NFATC2: variants seen among roughly 807,000 people sequenced by gnomAD.
NFATC2 encodes nuclear factor of activated T cells 2.
In NFATC2, 22 loss-of-function variants were observed where a neutral mutation model predicts 87.3. The ratio of observed to expected loss-of-function variants is 0.25; its 90% CI spans 0.18 to 0.36. NFATC2 has a LOEUF of 0.36. NFATC2 is among the 10% of genes least tolerant of loss of function. NFATC2 has a pLI of 1.00. For synonymous variants in NFATC2, 565 were observed against 542.2 expected (o/e 1.04, Z -0.58); for missense variants, 1,149 against 1,259.1 (o/e 0.91, Z 1.32).
chr20:51,516,754 A>C, intron 3 of NFATC2, 30 bp downstream of exon 3: 1 of 1,565,430 alleles, frequency 6.4e-7, no homozygotes, highest in Non-Finnish European at 8.7e-7. Flanking sequence ...CAAACACCAC[A>C]CACAAAAGGA....
intron 1 of NFATC2, among the ~76,000 whole-genome samples, chr20:51,525,299 C>T (rs1275635337): frequency 6.6e-6 from 1 of 152,174 alleles, no homozygotes; most frequent in Non-Finnish European, 1.5e-5. Context: ...TAGCGGCTGC[C>T]TAGCCCGGGC....
At chr20:51,392,464 A>G (rs1382901913) in intron 10 of NFATC2, among the ~76,000 whole-genome samples, 5 of 152,156 alleles carry the variant, frequency 3.3e-5, no homozygotes, top group Non-Finnish European at 5.9e-5. Flanking sequence ...AGATCTTAGG[A>G]TAGTGGATCC....
Position 51,432,013 on chromosome 20 carries a change from G to A in NFATC2, c.2722+54C>T. On this transcript the variant is annotated intron_variant, in intron 9 of 10. Coordinates refer to ENST00000371564, the MANE Select transcript of NFATC2 (RefSeq NM_012340.5). This position sits in a 1 kb window ranked among gnomAD's most constrained non-coding sequence, Gnocchi z 4.6. ...GGCCATGCAGTGAACTTCCTGGGCA[G>A]AGATGCTTCAGGGCACCATCCTTAC... The A allele has an allele frequency of 7.4e-6, 11 of 1,488,314 alleles. No individual in the cohort carries two copies. The South Asian group carries it at 1.3e-4, about 17-fold the overall frequency. 92.2% of individuals were successfully genotyped at this position (1,488,314 alleles called of 1,614,324 possible).
Position 51,388,906 on chromosome 20 carries a change from C to T in NFATC2, c.*2590G>A, listed in dbSNP as rs1376980239. ...TCATTCTCTTAGAGGATCTTATTGCCTCTTCCCGTACTGGAAATATTTCAT... is the reference window on the plus strand; with the variant it reads ...TCATTCTCTTAGAGGATCTTATTGCTTCTTCCCGTACTGGAAATATTTCAT... On this transcript the variant is annotated 3_prime_UTR_variant, in exon 11 of 11. Transcript: ENST00000371564. 3.9e-5 allele frequency: 6 copies of T among 152,180 alleles called. No homozygotes were observed. Among genetic ancestry groups the T allele is most frequent in the Non-Finnish European group, 5.9e-5 (4 of 68,036 alleles). The allele number at this position is 152,180 out of a possible 1,614,324, so 9.4% of individuals were successfully genotyped here. A position where few individuals can be genotyped will look rare whatever the true frequency, so the allele number is the denominator to read the frequency against.
chr20:51,434,348 T>C (rs1983242247), intron 8 of NFATC2, among the ~76,000 whole-genome samples: 1 of 152,202 alleles, frequency 6.6e-6, no homozygotes, highest in Admixed American at 6.5e-5. Context: ...CCCTGGGTGA[T>C]TGTCTCGAAT....
At chr20:51,550,308 C>T (rs1463338685) in intron 1 of NFATC2, among the ~76,000 whole-genome samples, 1 of 152,046 alleles carries the variant, frequency 6.6e-6, no homozygotes, top group Non-Finnish European at 1.5e-5. Flanking sequence ...AATAATAGGC[C>T]AAGCACGGTG....
chr20:51,425,299 G>C (rs911944231), intron 9 of NFATC2, among the ~76,000 whole-genome samples: 4 of 152,218 alleles, frequency 2.6e-5, no homozygotes, highest in Non-Finnish European at 5.9e-5. Context: ...CTCCCAACGG[G>C]GGCCTGGCCT....
At position 51,523,995 on chromosome 20, in the gene NFATC2, G is replaced by A. The variant is rs777716877; in HGVS notation, c.246C>T (p.Pro82=). ...TATCCGGCTCTCCGAATCGGCCGGG[G>A]GGCTCGCCAGAGAGACTAGCAAGGG... ...YSPLASLSGE[P]PGRFGEPDRV... is the part of the protein sequence containing the mutation. The change falls in exon 2 of 11, where the codon CCC becomes CCT. Residue 82 remains proline (P), a synonymous_variant. Coordinates refer to ENST00000371564, the MANE Select transcript of NFATC2 (RefSeq NM_012340.5). This position sits in a 1 kb window ranked among gnomAD's most constrained non-coding sequence, Gnocchi z 6.9. 13 of 1,569,382 alleles carry A rather than the reference G, an allele frequency of 8.3e-6. No homozygotes were observed. In the Middle Eastern group the frequency reaches 6.8e-4, roughly 82 times the overall value.
At chr20:51,549,225 G>A (rs939557172) in intron 1 of NFATC2, among the ~76,000 whole-genome samples, 2 of 152,112 alleles carry the variant, frequency 1.3e-5, no homozygotes, top group African/African-American at 4.8e-5. Context: ...TTCTGTTATA[G>A]AAAATATGTA....
At chr20:51,438,558 C>A (rs866094393) in intron 6 of NFATC2, among the ~76,000 whole-genome samples, 103 of 152,136 alleles carry the variant, frequency 6.8e-4, no homozygotes, top group African/African-American at 1.1e-3. Flanking sequence ...GCTTCCATTC[C>A]CAGCTGTCTT....
chr20:51,445,200 C>T (rs553993657), intron 6 of NFATC2, among the ~76,000 whole-genome samples: 1 of 152,188 alleles, frequency 6.6e-6, no homozygotes, highest in African/African-American at 2.4e-5. Context: ...GGGCCTGCCC[C>T]CCGCAGCACC....
At chr20:51,410,797 C>A (rs1287973865) in intron 9 of NFATC2, among the ~76,000 whole-genome samples, 1 of 152,104 alleles carries the variant, frequency 6.6e-6, no homozygotes, top group Non-Finnish European at 1.5e-5. Context: ...CCTTGATGAC[C>A]CTGTCTAAAG....
In NFATC2 at chr20:51,523,353, AG is replaced by A; in HGVS notation, c.887del (p.Pro296LeufsTer7). 1 of 1,612,040 alleles carries A rather than the reference AG, an allele frequency of 6.2e-7. No homozygotes were observed. On this transcript the variant is annotated frameshift_variant, in exon 2 of 11. Coordinates refer to ENST00000371564, the MANE Select transcript of NFATC2 (RefSeq NM_012340.5). LOFTEE classifies it high-confidence loss of function. This position sits in a 1 kb window ranked among gnomAD's most constrained non-coding sequence, Gnocchi z 6.9. ...QDHGSPAGYP[P>X]VAGSAVIMDA... ...CCATGATCACGGCAGAGCCAGCCAC[AG>A]GGGGGTACCCAGCCGGGGAGCCGTG...
intron 1 of NFATC2, among the ~76,000 whole-genome samples, chr20:51,561,395 G>A (rs6067825): frequency 5.3e-5 from 7 of 131,576 alleles, no homozygotes; most frequent in African/African-American, 1.2e-4. Flanking sequence ...GAAAGAAAGA[G>A]AGAGAAAGAA....
intron 3 of NFATC2, among the ~76,000 whole-genome samples, chr20:51,476,125 G>A (rs1244684926): frequency 6.7e-6 from 1 of 148,354 alleles, no homozygotes. Flanking sequence ...TGTGCACAAC[G>A]TGCAGGTTAG....
rs1254966668 is a variant in NFATC2 at position 51,523,591 on chromosome 20, G to A, written c.650C>T (p.Ser217Leu). 3.7e-6 allele frequency: 6 copies of A among 1,613,912 alleles called. No homozygotes were observed. The highest frequency in any genetic ancestry group is 1.1e-5 in the South Asian group (1 of 91,080). Residue 217 changes from serine to leucine, a missense_variant, in exon 2 of 11, where the codon TCG becomes TTG. By Grantham distance (145) the Ser-to-Leu change is moderately radical. This residue lies in a region of NFATC2 where 563 missense variants were observed against 585.2 expected (regional missense o/e 0.96). Coordinates refer to ENST00000371564, the MANE Select transcript of NFATC2 (RefSeq NM_012340.5). The surrounding 1 kb of genome is among the most constrained non-coding windows in gnomAD (Gnocchi z 6.9). The part of the protein sequence containing the change: ...NIPAHYSPRT[S>L]PIMSPRTSLA... Reference sequence around the variant, plus strand: ...GCTGGTTCGAGGTGACATTATTGGCGAGGTTCTGGGGGAATAATGAGCAGG... The same window carrying A: ...GCTGGTTCGAGGTGACATTATTGGCAAGGTTCTGGGGGAATAATGAGCAGG...
intron 3 of NFATC2, among the ~76,000 whole-genome samples, chr20:51,485,577 G>A (rs912995883): frequency 3.3e-5 from 5 of 151,376 alleles, no homozygotes; most frequent in African/African-American, 1.2e-4. Context: ...CACATCTTCT[G>A]TCTATATTCC....
chr20:51,421,794 A>G (rs1178988884), intron 9 of NFATC2, among the ~76,000 whole-genome samples: 5 of 152,202 alleles, frequency 3.3e-5, no homozygotes, highest in African/African-American at 1.2e-4. Flanking sequence ...GCCAAACAAA[A>G]TATCTGCGGG....
In NFATC2 at chr20:51,391,222, G is replaced by C. The variant is rs540240220; in HGVS notation, c.*274C>G. ...TAAACCGAAAAGAAGAGTTCTCTCT[G>C]GTGTTTAGAGGGAGGTGGCGAGCTC... is the stretch of plus-strand genomic sequence containing the variant. On this transcript the variant is annotated 3_prime_UTR_variant, in exon 11 of 11. Transcript: ENST00000371564. 15 of 736,256 alleles carry C rather than the reference G, an allele frequency of 2.0e-5. No homozygotes were observed. Among genetic ancestry groups the C allele is most frequent in the African/African-American group, 1.0e-4 (6 of 57,958 alleles). The allele number at this position is 736,256 out of a possible 1,614,324, so 45.6% of individuals were successfully genotyped here.
Sources: gnomAD v4.1 joint callset for allele counts (sites outside exome capture counted in the v4.1 genomes callset) on GRCh38, gnomAD v4.1.1 for gene constraint, gnomAD v4.1.1 regional missense constraint, Gnocchi (gnomAD v3.1) non-coding constraint, MANE v1.5 for transcripts, NCBI Gene and HGNC (gene_info 2026-07-23, HGNC 2026-07-21) for gene names.